The following PIK3AP1 variants were observed in gnomAD, a reference collection of about 807,000 sequenced individuals.
The protein encoded by PIK3AP1 is phosphoinositide 3-kinase adapter protein 1.
PIK3AP1 carries 21 observed loss-of-function variants against 88.1 expected under a neutral mutation model. The observed-to-expected ratio is 0.24, with a 90% CI of 0.17 to 0.34. PIK3AP1 has a LOEUF of 0.34. PIK3AP1 is among the 10% of genes least tolerant of loss of function. The pLI, the probability that PIK3AP1 is intolerant of heterozygous loss-of-function variation, is 1.00. For synonymous variants in PIK3AP1, 398 were observed against 400.0 expected, an observed-to-expected ratio of 1.00 and a Z score of 0.06; for missense variants, 828 against 1,035.7, an observed-to-expected ratio of 0.80 and a Z score of 2.75.
At chr10:96,617,218 T>C (rs993952842) in intron 12 of PIK3AP1, among the ~76,000 whole-genome samples, 20 of 152,268 alleles carry the variant, frequency 1.3e-4, no homozygotes, top group Admixed American at 1.2e-3. Context: ...CTGTGAGCTC[T>C]TCAAGGTCAA....
intron 8 of PIK3AP1, among the ~76,000 whole-genome samples, chr10:96,630,134 C>T (rs1463152780): frequency 1.3e-5 from 2 of 152,096 alleles, no homozygotes; most frequent in African/African-American, 2.4e-5. Context: ...AGTATTCTGA[C>T]ATGTTTTTGT....
rs987095424 is a variant in PIK3AP1, at chr10:96,627,117, T to C, written c.1472-212A>G. ...TGTCACCTCCATTGACACCCAGCGA[T>C]GCAGTGAAAGGACATGAGCACAAGG... On this transcript the variant is annotated intron_variant, in intron 9 of 16. Coordinates refer to ENST00000339364, the MANE Select transcript of PIK3AP1 (RefSeq NM_152309.3). Among the ~76,000 whole-genome samples the C allele has an allele frequency of 3.3e-5, 5 of 152,240 alleles. No homozygotes were observed. In the East Asian group the frequency reaches 9.6e-4, roughly 29 times the overall value.
At position 96,661,376 on chromosome 10, in the gene PIK3AP1, T is replaced by C. The variant is rs1334091824; in HGVS notation, c.431-4442A>G. Among the ~76,000 whole-genome samples, 2 of 152,216 alleles carry C rather than the reference T, an allele frequency of 1.3e-5. 1 individual carries two copies. Among genetic ancestry groups the C allele is most frequent in the Non-Finnish European group, 2.9e-5 (2 of 68,044 alleles). ...TACTATACTGGTGGGTGCATGTTATTAGACATTTGTCCACACCAATAGAGT... is the reference window on the plus strand; with the variant it reads ...TACTATACTGGTGGGTGCATGTTATCAGACATTTGTCCACACCAATAGAGT... On this transcript the variant is annotated intron_variant, in intron 2 of 16. Transcript: ENST00000339364.
chr10:96,608,146 C>T (rs1251111924), intron 14 of PIK3AP1, among the ~76,000 whole-genome samples: 1 of 152,184 alleles, frequency 6.6e-6, no homozygotes, highest in African/African-American at 2.4e-5. Flanking sequence ...AAAATCTATT[C>T]AATTACTCTG....
At chr10:96,660,231 A>G (rs927401700) in intron 2 of PIK3AP1, among the ~76,000 whole-genome samples, 9 of 152,104 alleles carry the variant, frequency 5.9e-5, no homozygotes, top group African/African-American at 1.9e-4. Flanking sequence ...AAATACTTGT[A>G]CCCAAAATAT....
intron 2 of PIK3AP1, among the ~76,000 whole-genome samples, chr10:96,697,867 A>G (rs1396616110): frequency 6.6e-6 from 1 of 152,280 alleles, no homozygotes; most frequent in Non-Finnish European, 1.5e-5. Context: ...CTTTCAGGAA[A>G]AAAAGTAATG....
Position 96,646,608 on chromosome 10 carries a change from G to A in PIK3AP1, c.1186-946C>T, listed in dbSNP as rs929496703. ...CCTGTGTGTAGTCAGAGGTCACTCC[G>A]CAGCTTGGCACACTAGCCCCTGTTC... On this transcript the variant is annotated intron_variant, in intron 7 of 16. Coordinates refer to ENST00000339364, the MANE Select transcript of PIK3AP1 (RefSeq NM_152309.3). Among the ~76,000 whole-genome samples the A allele has an allele frequency of 4.6e-5, 7 of 152,164 alleles. No homozygotes were observed. In the East Asian group the frequency reaches 5.8e-4, roughly 13 times the overall value.
chr10:96,626,566 T>C lies in PIK3AP1; in HGVS notation c.1669+142A>G, dbSNP rs1256686931. On this transcript the variant is annotated intron_variant, in intron 10 of 16. Transcript: ENST00000339364. Reference sequence around the variant, plus strand: ...TAGCTCCAGAATCTGTCCCAAGATATGACCCTGTCTCGTAGGGCTGGTTGA... The same window carrying C: ...TAGCTCCAGAATCTGTCCCAAGATACGACCCTGTCTCGTAGGGCTGGTTGA... 3 of 875,022 alleles carry C rather than the reference T, an allele frequency of 3.4e-6. No homozygotes were observed. The African/African-American group carries it at 5.1e-5, about 15-fold the overall frequency. The allele number at this position is 875,022 out of a possible 1,614,324, so 54.2% of individuals were successfully genotyped here. A position where few individuals can be genotyped will look rare whatever the true frequency, so the allele number is the denominator to read the frequency against.
chr10:96,696,358 C>T (rs1447372532), intron 2 of PIK3AP1, among the ~76,000 whole-genome samples: 1 of 152,138 alleles, frequency 6.6e-6, no homozygotes, highest in Non-Finnish European at 1.5e-5. Context: ...CTAAATTTTA[C>T]CAAACTGGCT....
chr10:96,636,725 T>C (rs1843317626), intron 8 of PIK3AP1, among the ~76,000 whole-genome samples: 1 of 152,082 alleles, frequency 6.6e-6, no homozygotes, highest in African/African-American at 2.4e-5. Flanking sequence ...ACAACAACAA[T>C]GATAAGGAGA....
intron 13 of PIK3AP1, among the ~76,000 whole-genome samples, chr10:96,613,757 C>T (rs1849166091): frequency 6.6e-6 from 1 of 152,118 alleles, no homozygotes; most frequent in Non-Finnish European, 1.5e-5. Context: ...TTCTGGATGG[C>T]CCTGCCTGAG....
intron 3 of PIK3AP1, among the ~76,000 whole-genome samples, chr10:96,653,405 CAAA>C (rs779735112): frequency 1.5e-5 from 1 of 67,420 alleles, no homozygotes. Context: ...GGCTCTGTCT[CAAA>C]AAAAAAAAAA....
In PIK3AP1 at chr10:96,648,757, G is replaced by GC; in HGVS notation, c.1086dup (p.Gln363AlafsTer18). 1 of 1,610,832 alleles carries GC rather than the reference G, an allele frequency of 6.2e-7. No homozygotes were observed. Among genetic ancestry groups the GC allele is most frequent in the Non-Finnish European group, 8.5e-7 (1 of 1,178,814 alleles). ...TGCTTGTTGGCCACGCTGTACGCCT[G>GC]CAGGGCTCCTGGGCAGGTGAGCAAC... On this transcript the variant is annotated frameshift_variant, in exon 7 of 17. Transcript: ENST00000339364. LOFTEE classifies it high-confidence loss of function.
intron 2 of PIK3AP1, among the ~76,000 whole-genome samples, chr10:96,681,838 T>C (rs1227321959): frequency 2.6e-5 from 4 of 152,192 alleles, no homozygotes; most frequent in African/African-American, 9.7e-5. Flanking sequence ...AGAGTGACTA[T>C]GCCTGTATGC....
intron 9 of PIK3AP1, 83 bp downstream of exon 9, chr10:96,628,315 C>T: frequency 3.3e-6 from 4 of 1,212,192 alleles, no homozygotes; most frequent in Non-Finnish European, 4.9e-6. Context: ...TTGAGGGGAG[C>T]AACCCTCATA....
chr10:96,675,145 A>T (rs2134257635), intron 2 of PIK3AP1, among the ~76,000 whole-genome samples: 1 of 146,722 alleles, frequency 6.8e-6, no homozygotes, highest in East Asian at 2.2e-4. Flanking sequence ...TGCCTGCCTC[A>T]GCCACCCAAA....
In PIK3AP1 at chr10:96,720,476, G is replaced by C. The variant is rs914291029; in HGVS notation, c.-82C>G. 3.4e-6 allele frequency: 4 copies of C among 1,174,854 alleles called. No homozygotes were observed. Among genetic ancestry groups the C allele is most frequent in the Non-Finnish European group, 4.2e-6 (4 of 943,688 alleles). The allele number at this position is 1,174,854 out of a possible 1,614,324, so 72.8% of individuals were successfully genotyped here. Reference sequence around the variant, plus strand: ...GCCGGCGGCGTCCTGGCTCGGGCTGGAGGGGCGCCGGGCTCCGCGCGGGAC... The same window carrying C: ...GCCGGCGGCGTCCTGGCTCGGGCTGCAGGGGCGCCGGGCTCCGCGCGGGAC... On this transcript the variant is annotated 5_prime_UTR_variant, in exon 1 of 17. Coordinates refer to ENST00000339364, the MANE Select transcript of PIK3AP1 (RefSeq NM_152309.3). The surrounding 1 kb of genome is among the most constrained non-coding windows in gnomAD (Gnocchi z 4.6).
At chr10:96,647,021 C>T (rs1843469114) in intron 7 of PIK3AP1, among the ~76,000 whole-genome samples, 1 of 152,132 alleles carries the variant, frequency 6.6e-6, no homozygotes, top group African/African-American at 2.4e-5. Flanking sequence ...CCAGATCTCA[C>T]CTTTGGTTTT....
intron 2 of PIK3AP1, among the ~76,000 whole-genome samples, chr10:96,701,447 C>G (rs1024925240): frequency 1.3e-5 from 2 of 152,166 alleles, no homozygotes; most frequent in Non-Finnish European, 2.9e-5. Context: ...CAAAATGGCG[C>G]TGAAACCATC....
Sources: allele counts gnomAD v4.1 joint callset (sites outside exome capture counted in the v4.1 genomes callset), GRCh38; gene constraint gnomAD v4.1.1; non-coding constraint Gnocchi (gnomAD v3.1); transcripts MANE v1.5; gene names NCBI Gene and HGNC (gene_info 2026-07-23, HGNC 2026-07-21).